IQSEC1: variants seen among roughly 807,000 people sequenced by gnomAD.
IQSEC1 encodes IQ motif and SEC7 domain-containing protein 1.
Under a neutral mutation model 91.0 loss-of-function variants are expected in IQSEC1, and 31 were observed. The observed-to-expected ratio is 0.34, with a 90% CI of 0.26 to 0.46. IQSEC1 has a LOEUF of 0.46. Ranked by LOEUF, IQSEC1 falls within the 20% of genes least tolerant of loss-of-function variation. The pLI is 1.00. For missense variants in IQSEC1, 1,388 were observed against 1,575.6 expected (o/e 0.88, Z 2.02); for synonymous variants, 699 against 662.6 (o/e 1.05, Z -0.84).
At chr3:13,093,182 G>A (rs912763686) in intron 2 of IQSEC1, among the ~76,000 whole-genome samples, 4 of 151,862 alleles carry the variant, frequency 2.6e-5, no homozygotes, top group African/African-American at 9.7e-5. Context: ...GAGGCGAGAG[G>A]ATACAGAGAG....
At chr3:13,021,965 C>T in intron 1 of IQSEC1, 2 of 1,066,956 alleles carry the variant, frequency 1.9e-6, no homozygotes, top group Non-Finnish European at 2.4e-6. Flanking sequence ...GGACCCTGTA[C>T]AGCCATGCAA....
chr3:13,260,102 G>C (rs1184383947), intron 1 of IQSEC1, among the ~76,000 whole-genome samples: 1 of 152,222 alleles, frequency 6.6e-6, no homozygotes, highest in African/African-American at 2.4e-5. Context: ...TGCAGGGCTG[G>C]AGGAAGAGGG....
At chr3:13,226,138 C>T (rs1304396274) in intron 1 of IQSEC1, among the ~76,000 whole-genome samples, 2 of 152,208 alleles carry the variant, frequency 1.3e-5, no homozygotes, top group African/African-American at 2.4e-5. Context: ...CTCGGCCTCC[C>T]AAAGTGCTGG....
chr3:13,095,034 C>T (rs1430407762), intron 2 of IQSEC1, among the ~76,000 whole-genome samples: 1 of 152,008 alleles, frequency 6.6e-6, no homozygotes, highest in Non-Finnish European at 1.5e-5. Flanking sequence ...TGGGCAAACG[C>T]TATTGCACCG....
chr3:13,042,517 G>C (rs1704318676), intron 1 of IQSEC1: 1 of 152,402 alleles, frequency 6.6e-6, no homozygotes, highest in Non-Finnish European at 1.5e-5. Context: ...GGCGCAGCTT[G>C]TACAGTACAC....
intron 1 of IQSEC1, among the ~76,000 whole-genome samples, chr3:13,216,091 C>T (rs1298993785): frequency 6.6e-6 from 1 of 152,222 alleles, no homozygotes; most frequent in South Asian, 2.1e-4. Flanking sequence ...CTGTCCAACA[C>T]CTATTGGAAA....
chr3:12,929,127 C>T (rs957496310), intron 3 of IQSEC1, among the ~76,000 whole-genome samples: 2 of 152,232 alleles, frequency 1.3e-5, no homozygotes, highest in South Asian at 4.1e-4. Flanking sequence ...GTCTCAGCTC[C>T]ACTTCTGGCT....
intron 1 of IQSEC1, among the ~76,000 whole-genome samples, chr3:13,249,315 G>T (rs1261486275): frequency 6.6e-6 from 1 of 151,724 alleles, no homozygotes; most frequent in Non-Finnish European, 1.5e-5. Flanking sequence ...GGGACTACAG[G>T]CACCCGCCAG....
At chr3:13,064,419 A>AG (rs1364789077) in intron 1 of IQSEC1, among the ~76,000 whole-genome samples, 28 of 152,206 alleles carry the variant, frequency 1.8e-4, no homozygotes, top group African/African-American at 6.5e-4. Flanking sequence ...AAAATTACAG[A>AG]GAAAAAAAAA....
intron 2 of IQSEC1, among the ~76,000 whole-genome samples, chr3:13,112,590 C>T (rs557864185): frequency 4.6e-5 from 7 of 152,344 alleles, no homozygotes; most frequent in South Asian, 2.1e-4. Context: ...CGTGCTGGCC[C>T]CCAGGCACCT....
intron 12 of IQSEC1, 33 bp from the exon 13 acceptor site, chr3:12,902,855 G>A (rs774641889): frequency 1.2e-5 from 18 of 1,562,938 alleles, no homozygotes; most frequent in Admixed American, 6.7e-5. Context: ...GAAGTTAGAC[G>A]CGGACATGAG....
Position 12,924,890 on chromosome 3 carries a change from T to C in IQSEC1, c.1569-148A>G, listed in dbSNP as rs1041761677. 1.0e-5 allele frequency: 7 copies of C among 700,402 alleles called. No individual in the cohort carries two copies. The African/African-American group carries it at 1.1e-4, about 11-fold the overall frequency. The allele number at this position is 700,402 out of a possible 1,614,324, so 43.4% of individuals were successfully genotyped here. A position where few individuals can be genotyped will look rare whatever the true frequency, so the allele number is the denominator to read the frequency against. Reference sequence around the variant, plus strand: ...ATCCCTGTAGGCATTCAGGGGTCTCTAGTTCCATCTCCAGCCTGGGTGGGA... The same window carrying C: ...ATCCCTGTAGGCATTCAGGGGTCTCCAGTTCCATCTCCAGCCTGGGTGGGA... On this transcript the variant is annotated intron_variant, in intron 3 of 13. Coordinates refer to ENST00000613206, the MANE Select transcript of IQSEC1 (RefSeq NM_001134382.3). The surrounding 1 kb of genome is among the most constrained non-coding windows in gnomAD (Gnocchi z 6.3).
intron 1 of IQSEC1, among the ~76,000 whole-genome samples, chr3:13,245,582 C>A (rs1225720479): frequency 6.6e-6 from 1 of 152,140 alleles, no homozygotes; most frequent in African/African-American, 2.4e-5. Context: ...GCCTGGCCAA[C>A]ATGGCAAAAC....
intron 1 of IQSEC1, among the ~76,000 whole-genome samples, chr3:13,058,466 G>GT (rs1704953601): frequency 6.6e-6 from 1 of 152,196 alleles, no homozygotes; most frequent in African/African-American, 2.4e-5. Flanking sequence ...GGCAGGGGTT[G>GT]TTATCTTTCC....
At chr3:13,061,080 T>C (rs1375524343) in intron 1 of IQSEC1, among the ~76,000 whole-genome samples, 1 of 152,066 alleles carries the variant, frequency 6.6e-6, no homozygotes, top group African/African-American at 2.4e-5. Context: ...AGCCACAGAA[T>C]CCCAGGCCAC....
intron 1 of IQSEC1, among the ~76,000 whole-genome samples, chr3:12,984,985 C>T (rs1332787381): frequency 2.0e-5 from 3 of 151,670 alleles, no homozygotes; most frequent in Non-Finnish European, 2.9e-5. Context: ...CCACCACGCC[C>T]GGCTAATTTT....
At chr3:13,061,769 G>A (rs113125464) in intron 1 of IQSEC1, among the ~76,000 whole-genome samples, 13 of 152,188 alleles carry the variant, frequency 8.5e-5, no homozygotes, top group Non-Finnish European at 1.8e-4. Context: ...AGCAAAGCCT[G>A]TGGCCTGTTT....
chr3:12,939,635 G>A lies in IQSEC1; in HGVS notation c.318+1936C>T, dbSNP rs185813844. Among the ~76,000 whole-genome samples, 31 of 152,206 alleles carry A rather than the reference G, an allele frequency of 2.0e-4. 1 individual carries two copies. Among genetic ancestry groups the A allele is most frequent in the Admixed American group, 8.5e-4 (13 of 15,296 alleles). ...CAAATGCTCAGTGGCCCTTGATGTC[G>A]CCTCCTCCCTCTTACCTCTTTGGAA... On this transcript the variant is annotated intron_variant, in intron 2 of 13. Coordinates refer to ENST00000613206, the MANE Select transcript of IQSEC1 (RefSeq NM_001134382.3).
At chr3:13,257,237 T>C (rs991009584) in intron 1 of IQSEC1, among the ~76,000 whole-genome samples, 2 of 152,136 alleles carry the variant, frequency 1.3e-5, no homozygotes, top group African/African-American at 4.8e-5. Context: ...CAAGTGGTCA[T>C]TCTCACGGGC....
Sources: gnomAD v4.1 joint callset for allele counts (sites outside exome capture counted in the v4.1 genomes callset) on GRCh38, gnomAD v4.1.1 for gene constraint, Gnocchi (gnomAD v3.1) non-coding constraint, MANE v1.5 for transcripts, NCBI Gene and HGNC (gene_info 2026-07-23, HGNC 2026-07-21) for gene names.